The following BFAR variants were observed in gnomAD, a reference collection of about 807,000 sequenced individuals.
The protein encoded by BFAR is bifunctional apoptosis regulator.
In BFAR, 52 loss-of-function variants were observed where a neutral mutation model predicts 54.4. The observed-to-expected ratio is 0.96, with a 90% CI of 0.77 to 1.21. The LOEUF (loss-of-function observed/expected upper bound fraction) is 1.21. BFAR is among the 50% of genes most tolerant of loss of function. The probability of loss-of-function intolerance (pLI) is 0.00; values close to 1 mark genes in which losing one functional copy is unlikely to be tolerated. For missense variants in BFAR, 571 were observed against 534.0 expected, an observed-to-expected ratio of 1.07 and a Z score of -0.68; for synonymous variants, 215 against 204.3, an observed-to-expected ratio of 1.05 and a Z score of -0.45.
chr16:14,661,803 G>T lies in BFAR; in HGVS notation c.784-89G>T, dbSNP rs1960295615. The T allele has an allele frequency of 4.2e-6, 6 of 1,444,552 alleles. No individual in the cohort carries two copies. The Admixed American group carries it at 1.1e-4, about 26-fold the overall frequency. The allele number at this position is 1,444,552 out of a possible 1,614,324, so 89.5% of individuals were successfully genotyped here. A position where few individuals can be genotyped will look rare whatever the true frequency, so the allele number is the denominator to read the frequency against. ...ATTGTGTGTACCATGCAAAAAGGCTGATGGCAACAAGCGAGAGATGGGAAG... is the reference window on the plus strand; with the variant it reads ...ATTGTGTGTACCATGCAAAAAGGCTTATGGCAACAAGCGAGAGATGGGAAG... On this transcript the variant is annotated intron_variant, in intron 5 of 7. Transcript: ENST00000261658.
At position 14,668,225 on chromosome 16, in the gene BFAR, T is replaced by C. The variant is rs1194506618; in HGVS notation, c.*398T>C. The C allele has an allele frequency of 3.5e-5, 7 of 201,632 alleles. No individual in the cohort carries two copies. The highest frequency in any genetic ancestry group is 6.0e-5 in the Non-Finnish European group (6 of 99,464). 12.5% of individuals were successfully genotyped at this position (201,632 alleles called of 1,614,324 possible). A position where few individuals can be genotyped will look rare whatever the true frequency, so the allele number is the denominator to read the frequency against. ...GACAGAGGATCCGGATCTCAGAGCC[T>C]GAGACCAGGTTTATTGGGGCCTGGC... On this transcript the variant is annotated 3_prime_UTR_variant, in exon 8 of 8. Transcript: ENST00000261658.
intron 7 of BFAR, among the ~76,000 whole-genome samples, chr16:14,666,627 A>C (rs1261447880): frequency 6.6e-6 from 1 of 152,152 alleles, no homozygotes; most frequent in East Asian, 1.9e-4. Flanking sequence ...AGGCAGAAGT[A>C]ACACTGCCAC....
intron 4 of BFAR, chr16:14,650,710 A>G (rs527509636): frequency 4.1e-4 from 63 of 152,268 alleles, no homozygotes; most frequent in African/African-American, 1.5e-3. Context: ...CTACTGTAAG[A>G]GTATACCGTA....
chr16:14,648,941 T>C (rs1208354522), intron 3 of BFAR, among the ~76,000 whole-genome samples: 1 of 152,102 alleles, frequency 6.6e-6, no homozygotes, highest in Non-Finnish European at 1.5e-5. Flanking sequence ...GTAAAAACTT[T>C]CTTTTAGGGT....
intron 1 of BFAR, among the ~76,000 whole-genome samples, chr16:14,640,970 C>G (rs748942290): frequency 1.3e-5 from 2 of 152,214 alleles, no homozygotes; most frequent in Non-Finnish European, 2.9e-5. Context: ...CAGAGTGACT[C>G]AGTGCCTATG....
rs1421124173 is a variant in BFAR, at chr16:14,664,898, G to C, written c.987G>C (p.Trp329Cys). 6.2e-7 allele frequency: 1 copy of C among 1,614,088 alleles called. No individual in the cohort carries two copies. The highest frequency in any genetic ancestry group is 1.1e-5 in the South Asian group (1 of 91,076). ...LDLKEPTWKQ[W>C]REFLVKYSFL... ...TTAAGGAGCCTACGTGGAAGCAGTG[G>C]AGAGAGTTCCTGGTCAAATACTCCT... Residue 329 changes from tryptophan (W) to cysteine (C), a missense_variant, in exon 7 of 8, where the codon TGG becomes TGC. Trp to Cys is a radical substitution (Grantham distance 215). Coordinates refer to ENST00000261658, the MANE Select transcript of BFAR (RefSeq NM_016561.3).
chr16:14,642,946 C>A (rs1393944541), intron 1 of BFAR, among the ~76,000 whole-genome samples: 1 of 152,208 alleles, frequency 6.6e-6, no homozygotes, highest in Non-Finnish European at 1.5e-5. Flanking sequence ...TAGGCCAAGA[C>A]TGGCAGATCA....
chr16:14,657,311 C>T (rs1596987529), intron 5 of BFAR, among the ~76,000 whole-genome samples: 2 of 151,782 alleles, frequency 1.3e-5, no homozygotes, highest in Admixed American at 6.6e-5. Flanking sequence ...TGCAGTGGCG[C>T]GATCTCAGCT....
rs1960087470 is a variant in BFAR, at chr16:14,655,111, T to C, written c.684T>C (p.Tyr228=). Residue 228 remains tyrosine, a synonymous_variant, in exon 5 of 8, where the codon TAT becomes TAC. Coordinates refer to ENST00000261658, the MANE Select transcript of BFAR (RefSeq NM_016561.3). ...AGGAAGAATTTTCCAAGACGCCCTATACCATAGAAAACAGCAGCCACAGGA... is the reference window on the plus strand; with the variant it reads ...AGGAAGAATTTTCCAAGACGCCCTACACCATAGAAAACAGCAGCCACAGGA... ...LTEEEFSKTP[Y]TIENSSHRRA... 2.5e-6 allele frequency: 4 copies of C among 1,612,112 alleles called. No homozygotes were observed. The South Asian group carries it at 3.3e-5, about 13-fold the overall frequency.
intron 6 of BFAR, 144 bp downstream of exon 6, chr16:14,662,209 C>T (rs1960311086): frequency 1.1e-6 from 1 of 943,588 alleles, no homozygotes; most frequent in South Asian, 1.6e-5. Context: ...GAGTAATATC[C>T]TTTGCTTTGC....
intron 5 of BFAR, among the ~76,000 whole-genome samples, chr16:14,658,681 C>G (rs1470170246): frequency 6.6e-6 from 1 of 150,768 alleles, no homozygotes; most frequent in Non-Finnish European, 1.5e-5. Context: ...TGCAGTGAGC[C>G]AAGATTGTGC....
At chr16:14,651,087 T>C (rs1022538266) in intron 4 of BFAR, among the ~76,000 whole-genome samples, 1 of 152,160 alleles carries the variant, frequency 6.6e-6, no homozygotes, top group African/African-American at 2.4e-5. Context: ...ACCAGCTGGA[T>C]GTCCTCTAAT....
At chr16:14,663,240 C>T (rs568765557) in intron 6 of BFAR, among the ~76,000 whole-genome samples, 218 of 152,234 alleles carry the variant, frequency 1.4e-3, no homozygotes, top group Non-Finnish European at 2.5e-3. Flanking sequence ...CCTTGCCCTC[C>T]CAAAGTGTTG....
At chr16:14,645,878 A>T (rs968048455) in intron 2 of BFAR, among the ~76,000 whole-genome samples, 1 of 151,970 alleles carries the variant, frequency 6.6e-6, no homozygotes, top group African/African-American at 2.4e-5. Flanking sequence ...TTCATTGTTT[A>T]TATTCTTTGA....
At chr16:14,643,741 C>T (rs1012509175) in intron 1 of BFAR, 1 of 151,922 alleles carries the variant, frequency 6.6e-6, no homozygotes, top group Non-Finnish European at 1.5e-5. Context: ...CCACTGGACT[C>T]CAGCCTTGTT....
chr16:14,654,844 T>C (rs1960076231), intron 4 of BFAR, among the ~76,000 whole-genome samples: 1 of 152,208 alleles, frequency 6.6e-6, no homozygotes, highest in Non-Finnish European at 1.5e-5. Context: ...CTACCCTGAA[T>C]AATTGTTATA....
intron 4 of BFAR, among the ~76,000 whole-genome samples, chr16:14,654,006 C>CTTTTTTTTTTTTTT (rs776274046): frequency 8.2e-6 from 1 of 121,484 alleles, no homozygotes; most frequent in Non-Finnish European, 1.7e-5. Flanking sequence ...CATCTAAGAA[C>CTTTTTTTTTTTTTT]TTTTTTTTTT....
chr16:14,647,197 G>A (rs1309460042), intron 2 of BFAR, among the ~76,000 whole-genome samples: 3 of 152,120 alleles, frequency 2.0e-5, no homozygotes, highest in Admixed American at 6.5e-5. Context: ...CGATTCTCCT[G>A]CCTCAGCCTC....
chr16:14,666,565 C>G (rs1314221821), intron 7 of BFAR, among the ~76,000 whole-genome samples: 1 of 151,964 alleles, frequency 6.6e-6, no homozygotes, highest in East Asian at 1.9e-4. Flanking sequence ...AAACGAGAGT[C>G]CATCTCAAAA....
Sources: allele counts gnomAD v4.1 joint callset (sites outside exome capture counted in the v4.1 genomes callset), GRCh38; gene constraint gnomAD v4.1.1; transcripts MANE v1.5; gene names NCBI Gene and HGNC (gene_info 2026-07-23, HGNC 2026-07-21).